The following PKNOX2 variants were observed in gnomAD, a reference collection of about 807,000 sequenced individuals.
The protein encoded by PKNOX2 is PBX/knotted 1 homeobox 2, also known as homeobox protein PKNOX2.
Under a neutral mutation model 53.1 loss-of-function variants are expected in PKNOX2, and 14 were observed. The observed-to-expected ratio is 0.26, with a 90% CI of 0.17 to 0.41. PKNOX2 has a LOEUF of 0.41. Among genes scored for constraint, PKNOX2 ranks in the 10% least tolerant of loss-of-function variants. The probability of loss-of-function intolerance (pLI) is 1.00; values close to 1 mark genes in which losing one functional copy is unlikely to be tolerated. For synonymous variants in PKNOX2, 257 were observed against 242.8 expected (o/e 1.06, Z -0.54); for missense variants, 496 against 602.8 (o/e 0.82, Z 1.85).
At chr11:125,230,901 G>A (rs1393217776) in intron 1 of PKNOX2, among the ~76,000 whole-genome samples, 1 of 152,146 alleles carries the variant, frequency 6.6e-6, no homozygotes, top group African/African-American at 2.4e-5. Flanking sequence ...GATGGGCCCT[G>A]GCTTAAACCT....
intron 7 of PKNOX2, 166 bp from the exon 8 acceptor site, chr11:125,410,030 C>G (rs1955404836): frequency 1.1e-6 from 1 of 880,448 alleles, no homozygotes; most frequent in South Asian, 2.3e-5. Context: ...TCTTATTCAC[C>G]CTTTCTAGGA....
chr11:125,386,914 G>T (rs1439607490), intron 6 of PKNOX2, among the ~76,000 whole-genome samples: 1 of 152,164 alleles, frequency 6.6e-6, no homozygotes, highest in East Asian at 1.9e-4. Flanking sequence ...CATGATGGGT[G>T]GAGTGTTTGA....
chr11:125,350,525 C>T (rs1830852018), intron 3 of PKNOX2, among the ~76,000 whole-genome samples: 1 of 152,200 alleles, frequency 6.6e-6, no homozygotes, highest in African/African-American at 2.4e-5. Context: ...TCTGGTATCC[C>T]CACATTCCGG....
At chr11:125,368,602 A>G (rs536752168) in intron 5 of PKNOX2, among the ~76,000 whole-genome samples, 17 of 152,296 alleles carry the variant, frequency 1.1e-4, no homozygotes, top group East Asian at 3.9e-4. Flanking sequence ...ATTGTGTGTG[A>G]CTGTAGGTTC....
At chr11:125,361,016 G>A (rs998308178) in intron 4 of PKNOX2, among the ~76,000 whole-genome samples, 1 of 152,184 alleles carries the variant, frequency 6.6e-6, no homozygotes, top group Admixed American at 6.5e-5. Flanking sequence ...AATCCCCCCA[G>A]TCAGTTATGT....
intron 10 of PKNOX2, among the ~76,000 whole-genome samples, chr11:125,414,933 G>A (rs899586146): frequency 1.3e-5 from 2 of 152,122 alleles, no homozygotes; most frequent in Non-Finnish European, 2.9e-5. Flanking sequence ...TTAATCAGAG[G>A]TAGATAGCTG....
chr11:125,423,990 T>C (rs1251319045), intron 10 of PKNOX2, among the ~76,000 whole-genome samples: 1 of 152,156 alleles, frequency 6.6e-6, no homozygotes, highest in African/African-American at 2.4e-5. Context: ...ATGATTCCAT[T>C]TACATCAGGT....
intron 1 of PKNOX2, among the ~76,000 whole-genome samples, chr11:125,167,984 GC>G (rs762187850): frequency 6.6e-6 from 1 of 152,194 alleles, no homozygotes; most frequent in Non-Finnish European, 1.5e-5. Context: ...CACTGAGTCT[GC>G]CTTTAAATGT....
At chr11:125,213,335 T>C (rs1940093185) in intron 1 of PKNOX2, among the ~76,000 whole-genome samples, 1 of 152,160 alleles carries the variant, frequency 6.6e-6, no homozygotes, top group Non-Finnish European at 1.5e-5. Flanking sequence ...TTTGGATCCC[T>C]GACTCTCAGT....
At position 125,269,090 on chromosome 11, in the gene PKNOX2, A is replaced by G. The variant is rs978782652; in HGVS notation, c.-130+33975A>G. On this transcript the variant is annotated intron_variant, in intron 2 of 12. Transcript: ENST00000298282. ...GAGGAAGAAGGATGAAAGAGATGGG[A>G]ATTCTTGTAAATTTTTAATCTGAAA... Among the ~76,000 whole-genome samples the G allele has an allele frequency of 2.6e-5, 4 of 152,308 alleles. No individual in the cohort carries two copies. In the East Asian group the frequency reaches 5.8e-4, roughly 22 times the overall value.
chr11:125,212,847 G>A (rs1051494945), intron 1 of PKNOX2, among the ~76,000 whole-genome samples: 2 of 151,842 alleles, frequency 1.3e-5, no homozygotes, highest in African/African-American at 4.8e-5. Flanking sequence ...TAGGTAGATG[G>A]CAATTAAGGG....
At position 125,368,835 on chromosome 11, in the gene PKNOX2, C is replaced by T. The variant is rs145662100; in HGVS notation, c.227+850C>T. Among the ~76,000 whole-genome samples, 7 of 152,328 alleles carry T rather than the reference C, an allele frequency of 4.6e-5. No homozygotes were observed. In the East Asian group the frequency reaches 1.2e-3, roughly 25 times the overall value. The stretch of plus-strand genomic sequence containing the variant: ...GGCCTGAATGAGGCTCCTACAGGGA[C>T]TTTAGTTATCATTAACCACTAAGAA... On this transcript the variant is annotated intron_variant, in intron 5 of 12. Coordinates refer to ENST00000298282, the MANE Select transcript of PKNOX2 (RefSeq NM_001382323.2).
chr11:125,315,327 A>C (rs78178489), intron 2 of PKNOX2, among the ~76,000 whole-genome samples: 3 of 147,842 alleles, frequency 2.0e-5, no homozygotes, highest in Non-Finnish European at 4.4e-5. Flanking sequence ...AAAAAAAAAA[A>C]ACACCTCTCT....
At chr11:125,298,628 G>C (rs182289647) in intron 2 of PKNOX2, among the ~76,000 whole-genome samples, 2 of 152,308 alleles carry the variant, frequency 1.3e-5, no homozygotes, top group Admixed American at 1.3e-4. Context: ...CCGCTGAAAG[G>C]CCAGCCCTTA....
intron 10 of PKNOX2, among the ~76,000 whole-genome samples, chr11:125,426,035 C>T (rs1956397745): frequency 6.6e-6 from 1 of 152,194 alleles, no homozygotes; most frequent in South Asian, 2.1e-4. Context: ...TCATAGCTCC[C>T]CACTGGACTG....
At chr11:125,358,239 A>T (rs531853703) in intron 4 of PKNOX2, among the ~76,000 whole-genome samples, 1 of 152,334 alleles carries the variant, frequency 6.6e-6, no homozygotes, top group East Asian at 1.9e-4. Flanking sequence ...ACCAGCTATG[A>T]ACACCCCCTT....
chr11:125,275,935 A>G (rs1946122955), intron 2 of PKNOX2, among the ~76,000 whole-genome samples: 1 of 152,188 alleles, frequency 6.6e-6, no homozygotes, highest in Non-Finnish European at 1.5e-5. Flanking sequence ...AAGATCACAT[A>G]GGGAGAGAGA....
At chr11:125,302,912 C>A (rs1948172983) in intron 2 of PKNOX2, among the ~76,000 whole-genome samples, 1 of 152,220 alleles carries the variant, frequency 6.6e-6, no homozygotes, top group Non-Finnish European at 1.5e-5. Flanking sequence ...TGTGCAGCTC[C>A]ACCCTAGCTC....
intron 2 of PKNOX2, among the ~76,000 whole-genome samples, chr11:125,289,114 G>C (rs1232825315): frequency 6.6e-6 from 1 of 152,208 alleles, no homozygotes; most frequent in Non-Finnish European, 1.5e-5. Context: ...GAGATCTCCA[G>C]AGGATGGGCA....
Sources: gnomAD v4.1 joint callset for allele counts (sites outside exome capture counted in the v4.1 genomes callset) on GRCh38, gnomAD v4.1.1 for gene constraint, MANE v1.5 for transcripts, NCBI Gene and HGNC (gene_info 2026-07-23, HGNC 2026-07-21) for gene names.